OSBPL8: variants seen among roughly 807,000 people sequenced by gnomAD.
OSBPL8 encodes oxysterol binding protein like 8.
OSBPL8 carries 59 observed loss-of-function variants against 125.5 expected under a neutral mutation model. The ratio of observed to expected loss-of-function variants is 0.47; its 90% CI spans 0.38 to 0.58. OSBPL8 has a LOEUF of 0.58. OSBPL8 is among the 20% of genes least tolerant of loss of function. The pLI is 0.00. For missense variants in OSBPL8, 758 were observed against 1,047.8 expected, an observed-to-expected ratio of 0.72 and a Z score of 3.82; for synonymous variants, 330 against 338.9, an observed-to-expected ratio of 0.97 and a Z score of 0.29.
chr12:76,409,234 T>C (rs1401658727), intron 5 of OSBPL8, among the ~76,000 whole-genome samples: 1 of 152,152 alleles, frequency 6.6e-6, no homozygotes, highest in Non-Finnish European at 1.5e-5. Flanking sequence ...CAGGCCACAA[T>C]ATAATTCTCT....
At position 76,428,179 on chromosome 12, in the gene OSBPL8, G is replaced by C. The variant is rs371304230; in HGVS notation, c.218-17545C>G. The stretch of plus-strand genomic sequence containing the variant: ...GAGACCAACTACATATATCATATAT[G>C]GTCTAGTGGCTCTTTCCATTTGAAA... On this transcript the variant is annotated intron_variant, in intron 4 of 23. Transcript: ENST00000261183. Among the ~76,000 whole-genome samples the C allele has an allele frequency of 2.0e-4, 30 of 152,076 alleles. 1 individual carries two copies. In the East Asian group the frequency reaches 3.3e-3, roughly 17 times the overall value.
intron 4 of OSBPL8, among the ~76,000 whole-genome samples, chr12:76,446,900 A>G (rs1872776059): frequency 6.6e-6 from 1 of 152,178 alleles, no homozygotes; most frequent in Non-Finnish European, 1.5e-5. Flanking sequence ...AGAATTTGTC[A>G]CCACTGGAAG....
chr12:76,487,021 A>T (rs1399777216), intron 2 of OSBPL8, among the ~76,000 whole-genome samples: 52 of 101,868 alleles, frequency 5.1e-4, no homozygotes, highest in African/African-American at 1.4e-3. Context: ...TGCAATTTTC[A>T]TTTTTTTTTT....
At chr12:76,525,479 TA>T (rs1273844681) in intron 1 of OSBPL8, among the ~76,000 whole-genome samples, 4 of 152,228 alleles carry the variant, frequency 2.6e-5, no homozygotes. Context: ...AGAATATAAG[TA>T]ATTTGAGGGA....
At chr12:76,519,763 C>T (rs748664343) in intron 1 of OSBPL8, among the ~76,000 whole-genome samples, 11 of 152,036 alleles carry the variant, frequency 7.2e-5, no homozygotes, top group Middle Eastern at 3.2e-3. Context: ...AGTAAGGGAA[C>T]GGGTTAGGGG....
chr12:76,439,527 T>TG (rs941138944), intron 4 of OSBPL8, among the ~76,000 whole-genome samples: 2 of 152,150 alleles, frequency 1.3e-5, no homozygotes, highest in Non-Finnish European at 2.9e-5. Context: ...TGTATGTGCT[T>TG]GGGGGGAGAG....
rs548308038 is a variant in OSBPL8 at position 76,478,881 on chromosome 12, C to T, written c.42+8629G>A. 2.2e-3 allele frequency among the ~76,000 whole-genome samples: 336 copies of T among 152,114 alleles called. 3 individuals are homozygous for T. The highest frequency in any genetic ancestry group is 7.5e-3 in the African/African-American group (310 of 41,492). ...CGGGTGGATCATGACGTCAGGAGAT[C>T]GAGACCATCCTGGCTAACAGGGTGA... is the stretch of plus-strand genomic sequence containing the variant. On this transcript the variant is annotated intron_variant, in intron 2 of 23. Coordinates refer to ENST00000261183, the MANE Select transcript of OSBPL8 (RefSeq NM_020841.5).
chr12:76,446,599 A>G (rs989675193), intron 4 of OSBPL8, among the ~76,000 whole-genome samples: 1 of 152,178 alleles, frequency 6.6e-6, no homozygotes, highest in Non-Finnish European at 1.5e-5. Flanking sequence ...TGAGCCTCTA[A>G]AAGATACTGA....
chr12:76,473,950 T>C (rs948118091), intron 2 of OSBPL8, among the ~76,000 whole-genome samples: 1 of 152,222 alleles, frequency 6.6e-6, no homozygotes, highest in Non-Finnish European at 1.5e-5. Flanking sequence ...GCATTTTGAA[T>C]AGCTGGCGGC....
intron 4 of OSBPL8, among the ~76,000 whole-genome samples, chr12:76,437,537 G>T (rs1871614545): frequency 6.6e-6 from 1 of 151,984 alleles, no homozygotes; most frequent in Admixed American, 6.6e-5. Context: ...ACTTTCTCTG[G>T]ATATTAATCC....
chr12:76,499,747 G>A (rs1016323002), intron 1 of OSBPL8, among the ~76,000 whole-genome samples: 1 of 151,976 alleles, frequency 6.6e-6, no homozygotes, highest in Admixed American at 6.6e-5. Flanking sequence ...CCAGCTACTC[G>A]GGAGGCTGAA....
At chr12:76,367,454 G>A (rs1451619909) in intron 21 of OSBPL8, among the ~76,000 whole-genome samples, 1 of 151,856 alleles carries the variant, frequency 6.6e-6, no homozygotes, top group African/African-American at 2.4e-5. Context: ...TTCTGCCTAT[G>A]GATCTAAAGT....
rs745978068 is a variant in OSBPL8 at position 76,355,685 on chromosome 12, A to G, written c.*204T>C. On this transcript the variant is annotated 3_prime_UTR_variant, in exon 24 of 24. Coordinates refer to ENST00000261183, the MANE Select transcript of OSBPL8 (RefSeq NM_020841.5). Reference sequence around the variant, plus strand: ...CTAGAAATGTCCTGGCACTTAACACATAGCTCACTTTAATAATCAAATAGG... The same window carrying G: ...CTAGAAATGTCCTGGCACTTAACACGTAGCTCACTTTAATAATCAAATAGG... The G allele has an allele frequency of 3.7e-6, 2 of 534,556 alleles. No individual in the cohort carries two copies. Among genetic ancestry groups the G allele is most frequent in the East Asian group, 3.4e-5 (1 of 29,454 alleles). 33.1% of individuals were successfully genotyped at this position (534,556 alleles called of 1,614,324 possible).
intron 21 of OSBPL8, among the ~76,000 whole-genome samples, chr12:76,361,970 CTTG>C (rs1245610178): frequency 6.6e-6 from 1 of 152,160 alleles, no homozygotes; most frequent in Non-Finnish European, 1.5e-5. Context: ...CTCGTTCTTT[CTTG>C]TTCAGCATTG....
intron 1 of OSBPL8, among the ~76,000 whole-genome samples, chr12:76,516,484 A>G (rs1329382064): frequency 2.0e-5 from 3 of 152,162 alleles, no homozygotes; most frequent in Non-Finnish European, 2.9e-5. Context: ...TTTTTCTGGC[A>G]TAAGACAGAC....
At chr12:76,458,257 G>A (rs1274551230) in intron 3 of OSBPL8, among the ~76,000 whole-genome samples, 1 of 152,150 alleles carries the variant, frequency 6.6e-6, no homozygotes, top group Non-Finnish European at 1.5e-5. Context: ...CTGGGTGTCA[G>A]AGTAAAACCC....
At chr12:76,402,870 T>C in intron 5 of OSBPL8, 104 bp from the exon 6 acceptor site, 2 of 748,524 alleles carry the variant, frequency 2.7e-6, no homozygotes, top group Non-Finnish European at 4.3e-6. Context: ...TTTATTGCTA[T>C]GATTTAAGCA....
chr12:76,404,872 G>A (rs569202296), intron 5 of OSBPL8, among the ~76,000 whole-genome samples: 51 of 152,248 alleles, frequency 3.3e-4, no homozygotes, highest in African/African-American at 1.1e-3. Flanking sequence ...GGAGGGCAGG[G>A]TCAGTGCCCC....
At chr12:76,425,357 A>G (rs906497583) in intron 4 of OSBPL8, among the ~76,000 whole-genome samples, 8 of 152,336 alleles carry the variant, frequency 5.3e-5, no homozygotes, top group African/African-American at 1.9e-4. Context: ...AATTAAATTT[A>G]TCTCCCATGC....
Sources: allele counts gnomAD v4.1 joint callset (sites outside exome capture counted in the v4.1 genomes callset), GRCh38; gene constraint gnomAD v4.1.1; transcripts MANE v1.5; gene names NCBI Gene and HGNC (gene_info 2026-07-23, HGNC 2026-07-21).